The following NSMCE1 variants were observed in gnomAD, a reference collection of about 807,000 sequenced individuals.
NSMCE1 encodes the protein non-structural maintenance of chromosomes element 1 homolog.
Under a neutral mutation model 29.6 loss-of-function variants are expected in NSMCE1, and 18 were observed. The observed-to-expected ratio is 0.61, with a 90% CI of 0.42 to 0.90. NSMCE1 has a LOEUF of 0.90. Ranked by LOEUF, NSMCE1 falls within the 40% of genes least tolerant of loss-of-function variation. The probability of loss-of-function intolerance (pLI) is 0.00; values close to 1 mark genes in which losing one functional copy is unlikely to be tolerated. For synonymous variants in NSMCE1, 124 were observed against 133.4 expected, an observed-to-expected ratio of 0.93 and a Z score of 0.49; for missense variants, 314 against 343.6, an observed-to-expected ratio of 0.91 and a Z score of 0.68.
chr16:27,238,644 G>A (rs1052199239), intron 2 of NSMCE1, among the ~76,000 whole-genome samples: 17 of 151,908 alleles, frequency 1.1e-4, no homozygotes, highest in Admixed American at 5.2e-4. Flanking sequence ...AAAGCTGAAG[G>A]GACCAGAGAT....
intron 3 of NSMCE1, 72 bp from the exon 4 acceptor site, chr16:27,234,337 TCCCTC>T (rs2083796108): frequency 2.1e-6 from 2 of 967,794 alleles, no homozygotes; most frequent in Non-Finnish European, 3.4e-6. Flanking sequence ...TGGCTCTCCC[TCCCTC>T]CCCTCCTCCA....
At chr16:27,249,031 T>C (rs186159222) in intron 2 of NSMCE1, among the ~76,000 whole-genome samples, 9 of 152,110 alleles carry the variant, frequency 5.9e-5, no homozygotes, top group East Asian at 5.8e-4. Flanking sequence ...AGTTTTGTCA[T>C]GTTGCCCAGG....
At chr16:27,242,305 G>A (rs1007069610) in intron 2 of NSMCE1, among the ~76,000 whole-genome samples, 1 of 152,178 alleles carries the variant, frequency 6.6e-6, no homozygotes, top group Admixed American at 6.5e-5. Flanking sequence ...GAAGAAATAG[G>A]ATTTTAATAA....
intron 1 of NSMCE1, chr16:27,257,949 G>GC: frequency 6.2e-6 from 1 of 160,652 alleles, no homozygotes; most frequent in East Asian, 1.8e-4. Flanking sequence ...ACATGTAATA[G>GC]CCTGGTAACA....
chr16:27,233,926 G>A (rs763723144), intron 4 of NSMCE1: 79 of 440,616 alleles, frequency 1.8e-4, no homozygotes, highest in Non-Finnish European at 3.2e-5. Flanking sequence ...TACTACCAGT[G>A]AAGCCCTGCT....
intron 3 of NSMCE1, among the ~76,000 whole-genome samples, chr16:27,234,906 T>C (rs1379850126): frequency 1.3e-5 from 2 of 152,210 alleles, no homozygotes; most frequent in African/African-American, 4.8e-5. Flanking sequence ...CCCAAATCCC[T>C]ACCTGTGAGA....
chr16:27,225,992 G>A (rs576106084), intron 6 of NSMCE1, 146 bp from the exon 7 acceptor site: 243 of 911,280 alleles, frequency 2.7e-4, no homozygotes, highest in Non-Finnish European at 3.4e-4. Context: ...AATCCCAAAC[G>A]CCTTAGTGCA....
chr16:27,252,662 T>TA (rs568623600), intron 2 of NSMCE1, among the ~76,000 whole-genome samples: 62 of 152,294 alleles, frequency 4.1e-4, no homozygotes, highest in Non-Finnish European at 6.8e-4. Context: ...CTCATGCCTG[T>TA]AATCCCAGCA....
chr16:27,235,950 T>A (rs2140992412), intron 2 of NSMCE1, among the ~76,000 whole-genome samples: 1 of 152,248 alleles, frequency 6.6e-6, no homozygotes, highest in East Asian at 1.9e-4. Context: ...CTCCAGCAGC[T>A]CTCTGGGCAC....
At chr16:27,243,242 A>AC (rs1181409520) in intron 2 of NSMCE1, among the ~76,000 whole-genome samples, 1 of 152,172 alleles carries the variant, frequency 6.6e-6, no homozygotes, top group Non-Finnish European at 1.5e-5. Flanking sequence ...TATACCACTG[A>AC]CCGTTCACCG....
chr16:27,240,437 C>T (rs2140996517), intron 2 of NSMCE1, among the ~76,000 whole-genome samples: 1 of 152,212 alleles, frequency 6.6e-6, no homozygotes, highest in East Asian at 1.9e-4. Flanking sequence ...CCCCTCAACC[C>T]AGCTCAGCCC....
intron 2 of NSMCE1, among the ~76,000 whole-genome samples, chr16:27,239,212 G>A (rs190278032): frequency 1.3e-5 from 2 of 152,186 alleles, no homozygotes; most frequent in African/African-American, 4.8e-5. Flanking sequence ...GGGGTCTCTT[G>A]CTTGCTCCCA....
At chr16:27,226,647 C>T (rs1291787572) in intron 6 of NSMCE1, 73 bp downstream of exon 6, 30 of 955,984 alleles carry the variant, frequency 3.1e-5, no homozygotes, top group East Asian at 1.7e-4. Flanking sequence ...GCCAGGATTC[C>T]GGGAAGTACC....
chr16:27,229,214 C>T (rs1233750418), intron 5 of NSMCE1, among the ~76,000 whole-genome samples: 2 of 152,248 alleles, frequency 1.3e-5, no homozygotes, highest in Admixed American at 6.5e-5. Context: ...TCCTCCCACC[C>T]CAGGCTCCAG....
At chr16:27,243,712 G>A (rs761113770) in intron 2 of NSMCE1, among the ~76,000 whole-genome samples, 14 of 152,186 alleles carry the variant, frequency 9.2e-5, no homozygotes, top group Admixed American at 2.0e-4. Context: ...GAGCAGTGGT[G>A]CAATCATAGC....
intron 2 of NSMCE1, among the ~76,000 whole-genome samples, chr16:27,247,034 A>G (rs1255207298): frequency 6.6e-6 from 1 of 151,584 alleles, no homozygotes; most frequent in Non-Finnish European, 1.5e-5. Context: ...CAAATAGCAC[A>G]TGTGGCTACT....
chr16:27,244,532 C>T (rs1375976246), intron 2 of NSMCE1, among the ~76,000 whole-genome samples: 2 of 152,224 alleles, frequency 1.3e-5, no homozygotes, highest in African/African-American at 4.8e-5. Flanking sequence ...CCCCACTCCC[C>T]CACACCAAGC....
chr16:27,268,374 C>G (rs1351071021), intron 1 of NSMCE1: 1 of 152,330 alleles, frequency 6.6e-6, no homozygotes, highest in East Asian at 1.9e-4. Context: ...TGCTTTTTCA[C>G]CTGTTACAAT....
intron 2 of NSMCE1, among the ~76,000 whole-genome samples, chr16:27,256,079 T>C (rs1172628860): frequency 6.6e-6 from 1 of 152,158 alleles, no homozygotes; most frequent in Non-Finnish European, 1.5e-5. Flanking sequence ...TTGCCTTTTT[T>C]TTGTGTCCCT....
Sources: gnomAD v4.1 joint callset for allele counts (sites outside exome capture counted in the v4.1 genomes callset) on GRCh38, gnomAD v4.1.1 for gene constraint, MANE v1.5 for transcripts, NCBI Gene and HGNC (gene_info 2026-07-23, HGNC 2026-07-21) for gene names.